Variants in PHF14 observed in about 807,000 individuals in gnomAD.
PHF14 encodes the protein PHD finger protein 14.
In PHF14, 55 loss-of-function variants were observed where a neutral mutation model predicts 117.9. The observed-to-expected ratio is 0.47, with a 90% confidence interval of 0.38 to 0.58. The LOEUF (loss-of-function observed/expected upper bound fraction) is 0.58, where lower values mean the gene tolerates loss of function less well. Ranked by LOEUF, PHF14 falls within the 20% of genes least tolerant of loss-of-function variation. The probability of loss-of-function intolerance (pLI) is 0.00; values close to 1 mark genes in which losing one functional copy is unlikely to be tolerated. For missense variants in PHF14, 978 were observed against 1,122.2 expected, an observed-to-expected ratio of 0.87 and a Z score of 1.84; for synonymous variants, 409 against 368.6, an observed-to-expected ratio of 1.11 and a Z score of -1.26.
intron 17 of PHF14, among the ~76,000 whole-genome samples, chr7:11,118,543 T>G (rs1787662004): frequency 6.6e-6 from 1 of 151,960 alleles, no homozygotes; most frequent in South Asian, 2.1e-4. Context: ...TTAGAGTGTT[T>G]TATTGTTCAT....
chr7:10,992,660 C>A (rs913600056), intron 4 of PHF14, among the ~76,000 whole-genome samples: 1 of 151,876 alleles, frequency 6.6e-6, no homozygotes, highest in African/African-American at 2.4e-5. Flanking sequence ...AAGACTGTCT[C>A]AAAATTTAAA....
At chr7:10,990,330 G>T (rs769495824) in intron 3 of PHF14, among the ~76,000 whole-genome samples, 2 of 152,138 alleles carry the variant, frequency 1.3e-5, no homozygotes, top group Non-Finnish European at 2.9e-5. Flanking sequence ...ACATGTATAG[G>T]ATCAATGATT....
intron 17 of PHF14, 41 bp downstream of exon 17, chr7:11,111,508 C>G (rs901466318): frequency 5.2e-6 from 5 of 959,022 alleles, no homozygotes; most frequent in African/African-American, 4.9e-5. Flanking sequence ...TGGTGTCCTT[C>G]CGTTTGATAG....
At chr7:11,106,734 A>G (rs1259883582) in intron 16 of PHF14, 2 of 983,788 alleles carry the variant, frequency 2.0e-6, no homozygotes, top group African/African-American at 1.7e-5. Flanking sequence ...ATTCAAGACT[A>G]ATTTTTTTGA....
intron 4 of PHF14, among the ~76,000 whole-genome samples, chr7:11,011,783 A>G (rs1310274828): frequency 6.6e-6 from 1 of 152,198 alleles, no homozygotes; most frequent in Non-Finnish European, 1.5e-5. Flanking sequence ...TTTGATAATA[A>G]GTTAGTGTAT....
intron 17 of PHF14, among the ~76,000 whole-genome samples, chr7:11,136,471 G>GAA (rs1421280893): frequency 3.9e-5 from 6 of 152,116 alleles, no homozygotes; most frequent in African/African-American, 1.4e-4. Flanking sequence ...CAGATTTTCA[G>GAA]AAATTTCATT....
chr7:11,054,705 T>C (rs970911381), intron 14 of PHF14, among the ~76,000 whole-genome samples: 3 of 152,154 alleles, frequency 2.0e-5, no homozygotes, highest in Non-Finnish European at 4.4e-5. Flanking sequence ...TATAAATACC[T>C]TTTGCAATAT....
At chr7:10,988,334 A>G (rs1339319649) in intron 3 of PHF14, among the ~76,000 whole-genome samples, 38 of 152,308 alleles carry the variant, frequency 2.5e-4, no homozygotes, top group South Asian at 6.2e-4. Context: ...ATGGAAAAAT[A>G]GGAAAATAGA....
intron 17 of PHF14, among the ~76,000 whole-genome samples, chr7:11,113,034 T>C (rs1204140688): frequency 6.6e-6 from 1 of 152,186 alleles, no homozygotes; most frequent in East Asian, 1.9e-4. Flanking sequence ...AATAGTTGTC[T>C]TACGAGTCTC....
chr7:11,117,812 T>C (rs1056426203), intron 17 of PHF14, among the ~76,000 whole-genome samples: 6 of 151,730 alleles, frequency 4.0e-5, no homozygotes, highest in Non-Finnish European at 2.9e-5. Flanking sequence ...ATGAAAAATA[T>C]AAAATTAAAA....
At chr7:11,089,312 T>C (rs1291921056) in intron 16 of PHF14, among the ~76,000 whole-genome samples, 3 of 152,338 alleles carry the variant, frequency 2.0e-5, no homozygotes, top group Admixed American at 6.5e-5. Context: ...GATATGTTCA[T>C]TGAGGCACAA....
intron 16 of PHF14, among the ~76,000 whole-genome samples, chr7:11,070,698 CATT>C (rs1018934699): frequency 6.6e-6 from 1 of 152,288 alleles, no homozygotes; most frequent in Admixed American, 6.5e-5. Context: ...TAAGTTGTGT[CATT>C]ATTGTCTGTC....
intron 2 of PHF14, 69 bp from the exon 3 acceptor site, chr7:10,982,303 C>T: frequency 9.8e-7 from 1 of 1,020,936 alleles, no homozygotes; most frequent in Non-Finnish European, 1.4e-6. Flanking sequence ...TCATTTGTGT[C>T]AGCGTTGTGT....
chr7:11,090,935 A>G (rs987442122), intron 16 of PHF14, among the ~76,000 whole-genome samples: 2 of 152,214 alleles, frequency 1.3e-5, no homozygotes, highest in Admixed American at 6.5e-5. Context: ...ATAAACAGAC[A>G]CAAATAAAGA....
intron 17 of PHF14, among the ~76,000 whole-genome samples, chr7:11,122,342 TATATATATATACACACAC>T (rs1473762398): frequency 1.1e-5 from 1 of 89,130 alleles, no homozygotes; most frequent in Non-Finnish European, 2.0e-5. Context: ...TATATATATA[TATATATATATACACACAC>T]ACACACACAC....
chr7:10,998,103 A>C (rs1037856070), intron 4 of PHF14, among the ~76,000 whole-genome samples: 5 of 152,280 alleles, frequency 3.3e-5, no homozygotes, highest in Admixed American at 2.6e-4. Context: ...AGGGGGAACA[A>C]TTGCTGGAAC....
rs1236770638 is a variant in PHF14, at chr7:11,122,331, T to TTTTATATATA, written c.2772+10865_2772+10866insTTATATATAT. On this transcript the variant is annotated intron_variant, in intron 17 of 17. Transcript: ENST00000634607. ...AAGGGGAGATTACTGTTTGTACTTT[T>TTTTATATATA]TATATATATATATATATATATACAC... Among the ~76,000 whole-genome samples the TTTTATATATA allele has an allele frequency of 9.9e-3, 825 of 83,500 alleles. 10 individuals are homozygous for TTTTATATATA. Among genetic ancestry groups the TTTTATATATA allele is most frequent in the Middle Eastern group, 0.015 (3 of 194 alleles). The allele number at this position is 83,500 out of a possible 152,430, so 54.8% of individuals were successfully genotyped here.
At chr7:11,104,621 T>C (rs1289573974) in intron 16 of PHF14, 1 of 983,296 alleles carries the variant, frequency 1.0e-6, no homozygotes, top group African/African-American at 1.8e-5. Context: ...GAAATGTCTC[T>C]GAAATACAGG....
chr7:11,111,979 A>T (rs1425110891), intron 17 of PHF14, among the ~76,000 whole-genome samples: 1 of 151,946 alleles, frequency 6.6e-6, no homozygotes, highest in African/African-American at 2.4e-5. Context: ...AGTAGAATGA[A>T]ATTTCTATAA....
Sources: gnomAD v4.1 joint callset for allele counts (sites outside exome capture counted in the v4.1 genomes callset) on GRCh38, gnomAD v4.1.1 for gene constraint, MANE v1.5 for transcripts, NCBI Gene and HGNC (gene_info 2026-07-23, HGNC 2026-07-21) for gene names.